MYO1E: variants seen among roughly 807,000 people sequenced by gnomAD.
MYO1E encodes myosin IE.
Under a neutral mutation model 151.1 loss-of-function variants are expected in MYO1E, and 68 were observed. That is an observed-to-expected ratio of 0.45 (90% CI 0.37 to 0.55). MYO1E has a LOEUF of 0.55. MYO1E is among the 20% of genes least tolerant of loss of function. MYO1E has a pLI of 0.00. For synonymous variants in MYO1E, 601 were observed against 501.7 expected, an observed-to-expected ratio of 1.20 and a Z score of -2.64; for missense variants, 1,363 against 1,389.3, an observed-to-expected ratio of 0.98 and a Z score of 0.30.
intron 1 of MYO1E, among the ~76,000 whole-genome samples, chr15:59,347,764 C>G (rs147826874): frequency 3.8e-4 from 58 of 152,096 alleles, no homozygotes; most frequent in African/African-American, 1.3e-3. Context: ...ATTTTTAAGA[C>G]CACTAACCAT....
At chr15:59,249,295 G>A (rs1264747999) in intron 4 of MYO1E, among the ~76,000 whole-genome samples, 2 of 151,962 alleles carry the variant, frequency 1.3e-5, no homozygotes, top group African/African-American at 2.4e-5. Context: ...TGTGGTGGCA[G>A]GTGCCTGTAG....
intron 12 of MYO1E, among the ~76,000 whole-genome samples, chr15:59,213,336 A>G (rs376235603): frequency 1.3e-5 from 2 of 151,698 alleles, no homozygotes; most frequent in Non-Finnish European, 2.9e-5. Context: ...ACGCCCAGCT[A>G]ATTTTTGTAT....
intron 4 of MYO1E, among the ~76,000 whole-genome samples, chr15:59,253,994 GCGGT>G (rs2080180351): frequency 6.6e-6 from 1 of 150,550 alleles, no homozygotes; most frequent in South Asian, 2.1e-4. Flanking sequence ...GCAACCAGGT[GCGGT>G]GTGTAGGCCT....
rs533880576 is a variant in MYO1E at position 59,310,003 on chromosome 15, C to G, written c.4-37554G>C. Among the ~76,000 whole-genome samples, 3 of 152,344 alleles carry G rather than the reference C, an allele frequency of 2.0e-5. No individual in the cohort carries two copies. The South Asian group carries it at 6.2e-4, about 32-fold the overall frequency. On this transcript the variant is annotated intron_variant, in intron 1 of 27. Transcript: ENST00000288235. The stretch of plus-strand genomic sequence containing the variant: ...TCCCCTTTCCTCTCTGTTCTCACAG[C>G]CACTGCCTTACTTAAGGTCCCCTTA...
Position 59,268,720 on chromosome 15 carries a change from A to ATTTTTTTTTTTTTTTGTTTTTTTTTT in MYO1E, c.147+3585_147+3586insAAAAAAAAAACAAAAAAAAAAAAAAA. Reference sequence around the variant, plus strand: ...GTGATGGGTTCTGGGTGACTTTGGTATTTTTTTTTTTTTTTTTTTTTGCTT... The same window carrying ATTTTTTTTTTTTTTTGTTTTTTTTTT: ...GTGATGGGTTCTGGGTGACTTTGGTATTTTTTTTTTTTTTTGTTTTTTTTTTTTTTTTTTTTTTTTTTTTTTTGCTT... On this transcript the variant is annotated intron_variant, in intron 2 of 27. Transcript: ENST00000288235. 4.5e-5 allele frequency among the ~76,000 whole-genome samples: 2 copies of ATTTTTTTTTTTTTTTGTTTTTTTTTT among 44,906 alleles called. 1 individual carries two copies. The highest frequency in any genetic ancestry group is 2.7e-3 in the South Asian group (2 of 742). 29.5% of individuals were successfully genotyped at this position (44,906 alleles called of 152,430 possible). A position where few individuals can be genotyped will look rare whatever the true frequency, so the allele number is the denominator to read the frequency against.
intron 19 of MYO1E, 81 bp downstream of exon 19, chr15:59,178,312 A>C: frequency 6.5e-7 from 1 of 1,541,630 alleles, no homozygotes; most frequent in Non-Finnish European, 8.9e-7. Flanking sequence ...GAATGAGAAA[A>C]AGAAGCCAGC....
intron 9 of MYO1E, among the ~76,000 whole-genome samples, chr15:59,221,616 G>A (rs1372902656): frequency 6.6e-6 from 1 of 152,174 alleles, no homozygotes; most frequent in Non-Finnish European, 1.5e-5. Context: ...GGACCTCTCT[G>A]GCTTCCATCT....
chr15:59,362,445 G>T (rs2080891033), intron 1 of MYO1E, among the ~76,000 whole-genome samples: 1 of 152,110 alleles, frequency 6.6e-6, no homozygotes, highest in Non-Finnish European at 1.5e-5. Flanking sequence ...TCAGGGAAAA[G>T]GTCAGTAGCT....
At chr15:59,210,418 G>T in intron 13 of MYO1E, 96 bp downstream of exon 13, 3 of 882,658 alleles carry the variant, frequency 3.4e-6, no homozygotes, top group Non-Finnish European at 3.8e-6. Flanking sequence ...AATCAGAGTT[G>T]TCACTTTGCC....
intron 1 of MYO1E, among the ~76,000 whole-genome samples, chr15:59,323,168 C>CAAAAAAAAAA (rs10569332): frequency 1.6e-5 from 1 of 63,672 alleles, no homozygotes; most frequent in East Asian, 4.0e-4. Context: ...GACCCCATCA[C>CAAAAAAAAAA]AAAAAAAAAA....
At chr15:59,174,989 A>G (rs755421808) in intron 19 of MYO1E, among the ~76,000 whole-genome samples, 9 of 152,190 alleles carry the variant, frequency 5.9e-5, no homozygotes, top group Non-Finnish European at 8.8e-5. Flanking sequence ...AGGTGACAGC[A>G]AACAGCTGTA....
At position 59,187,702 on chromosome 15, in the gene MYO1E, A is replaced by G. The variant is rs56869291; in HGVS notation, c.1904+416T>C. On this transcript the variant is annotated intron_variant, in intron 18 of 27. Transcript: ENST00000288235. Reference sequence around the variant, plus strand: ...CTGACGTTTATCAACTGATGAATGCATAAGTAAACTGTGGTATATCCACAC... The same window carrying G: ...CTGACGTTTATCAACTGATGAATGCGTAAGTAAACTGTGGTATATCCACAC... Among the ~76,000 whole-genome samples the G allele has an allele frequency of 4.0e-3, 607 of 152,374 alleles. 3 individuals are homozygous for G. The highest frequency in any genetic ancestry group is 0.014 in the African/African-American group (583 of 41,596).
intron 3 of MYO1E, among the ~76,000 whole-genome samples, chr15:59,256,892 AG>A (rs2080197015): frequency 6.6e-6 from 1 of 152,216 alleles, no homozygotes; most frequent in Admixed American, 6.5e-5. Flanking sequence ...TCTATGGATC[AG>A]AAAAAATACT....
chr15:59,301,013 A>ACG (rs1454243381), intron 1 of MYO1E, among the ~76,000 whole-genome samples: 1 of 151,748 alleles, frequency 6.6e-6, no homozygotes, highest in Non-Finnish European at 1.5e-5. Flanking sequence ...GATTACAGGC[A>ACG]CATGCCACCA....
intron 18 of MYO1E, among the ~76,000 whole-genome samples, chr15:59,184,566 G>A (rs1169269499): frequency 6.6e-6 from 1 of 151,878 alleles, no homozygotes; most frequent in Non-Finnish European, 1.5e-5. Context: ...TCACCACGTT[G>A]GCCAGGCTGA....
intron 1 of MYO1E, among the ~76,000 whole-genome samples, chr15:59,332,491 C>G (rs1165542054): frequency 6.6e-6 from 1 of 152,178 alleles, no homozygotes; most frequent in Non-Finnish European, 1.5e-5. Context: ...GAGGCCACGT[C>G]CATTCTCATT....
At chr15:59,214,863 G>T in intron 10 of MYO1E, 143 bp from the exon 11 acceptor site, 1 of 735,664 alleles carries the variant, frequency 1.4e-6, no homozygotes, top group Non-Finnish European at 2.5e-6. Context: ...CAGGAGACTT[G>T]CTGCTTTAAC....
intron 1 of MYO1E, among the ~76,000 whole-genome samples, chr15:59,342,296 T>C (rs183648220): frequency 1.2e-4 from 18 of 152,252 alleles, no homozygotes; most frequent in Non-Finnish European, 2.5e-4. Context: ...GATGGAAAGT[T>C]TGCAAATATT....
At position 59,351,965 on chromosome 15, in the gene MYO1E, C is replaced by A. The variant is rs140557377; in HGVS notation, c.3+20533G>T. 9.3e-4 allele frequency among the ~76,000 whole-genome samples: 141 copies of A among 152,330 alleles called. 1 individual carries two copies. The highest frequency in any genetic ancestry group is 2.7e-3 in the African/African-American group (114 of 41,568). ...GTCCCCATTCTGGATCTCTTTCTTC[C>A]TCTCTGGCCTGACAAAATCTGTTCT... is the stretch of plus-strand genomic sequence containing the variant. On this transcript the variant is annotated intron_variant, in intron 1 of 27. Coordinates refer to ENST00000288235, the MANE Select transcript of MYO1E (RefSeq NM_004998.4).
Sources: gnomAD v4.1 joint callset for allele counts (sites outside exome capture counted in the v4.1 genomes callset) on GRCh38, gnomAD v4.1.1 for gene constraint, MANE v1.5 for transcripts, NCBI Gene and HGNC (gene_info 2026-07-23, HGNC 2026-07-21) for gene names.